DNAJC10: variants seen among roughly 807,000 people sequenced by gnomAD.
DNAJC10 encodes the protein DnaJ heat shock protein family (Hsp40) member C10.
Under a neutral mutation model 115.0 loss-of-function variants are expected in DNAJC10, and 101 were observed. The ratio of observed to expected loss-of-function variants is 0.88; its 90% CI spans 0.75 to 1.04. The LOEUF (loss-of-function observed/expected upper bound fraction) is 1.04. DNAJC10 is among the 50% of genes least tolerant of loss of function. The pLI, the probability that DNAJC10 is intolerant of heterozygous loss-of-function variation, is 0.00. For synonymous variants in DNAJC10, 307 were observed against 301.5 expected (o/e 1.02, Z -0.19); for missense variants, 981 against 928.8 (o/e 1.06, Z -0.73).
intron 11 of DNAJC10, among the ~76,000 whole-genome samples, chr2:182,737,242 T>C (rs1290463169): frequency 1.3e-5 from 2 of 152,158 alleles, no homozygotes; most frequent in East Asian, 3.9e-4. Flanking sequence ...AGATAAATAG[T>C]GGGATATTGG....
Position 182,788,692 on chromosome 2 carries a change from C to A in DNAJC10, c.*11560C>A. 2.5e-6 allele frequency: 1 copy of A among 398,950 alleles called. No individual in the cohort carries two copies. Among genetic ancestry groups the A allele is most frequent in the Admixed American group, 3.3e-5 (1 of 30,396 alleles). The allele number at this position is 398,950 out of a possible 1,614,324, so 24.7% of individuals were successfully genotyped here. A position where few individuals can be genotyped will look rare whatever the true frequency, so the allele number is the denominator to read the frequency against. ...AAAAGGAAGTGAGCTTATCCCACAG[C>A]ACAAGTAACGTCTATTTATCTCAGA... On this transcript the variant is annotated 3_prime_UTR_variant, in exon 24 of 24. Coordinates refer to ENST00000264065, the MANE Select transcript of DNAJC10 (RefSeq NM_018981.4).
chr2:182,765,829 T>C (rs1694397530), intron 22 of DNAJC10, among the ~76,000 whole-genome samples: 1 of 152,248 alleles, frequency 6.6e-6, no homozygotes, highest in South Asian at 2.1e-4. Context: ...AAAGTTGCAA[T>C]GCATATGCAA....
Position 182,788,475 on chromosome 2 carries a change from A to G in DNAJC10, c.*11343A>G, listed in dbSNP as rs1476034248. 4.8e-6 allele frequency: 1 copy of G among 209,664 alleles called. No individual in the cohort carries two copies. The highest frequency in any genetic ancestry group is 1.4e-4 in the East Asian group (1 of 6,992). The allele number at this position is 209,664 out of a possible 1,614,324, so 13.0% of individuals were successfully genotyped here. On this transcript the variant is annotated 3_prime_UTR_variant, in exon 24 of 24. Coordinates refer to ENST00000264065, the MANE Select transcript of DNAJC10 (RefSeq NM_018981.4). ...TGTAAATCATCAAATAAGTTATAAA[A>G]CCACCAAAAAATAGGAGAAAATGGG...
In DNAJC10 at chr2:182,734,901, G is replaced by C. The variant is rs1207468294; in HGVS notation, c.850-1348G>C. 4.7e-5 allele frequency among the ~76,000 whole-genome samples: 7 copies of C among 150,492 alleles called. No homozygotes were observed. The East Asian group carries it at 1.2e-3, about 25-fold the overall frequency. On this transcript the variant is annotated intron_variant, in intron 10 of 23. Transcript: ENST00000264065. ...CACCAGCTTTCTTTTGTTTAATGTT[G>C]GCATTTTTCCATTTTTTACTGTCAC... is the stretch of plus-strand genomic sequence containing the variant.
intron 22 of DNAJC10, among the ~76,000 whole-genome samples, chr2:182,772,370 T>C (rs1361031261): frequency 1.3e-5 from 2 of 152,216 alleles, no homozygotes; most frequent in Admixed American, 1.3e-4. Flanking sequence ...GTCCTGGATA[T>C]CCTTCTTAAC....
intron 5 of DNAJC10, among the ~76,000 whole-genome samples, chr2:182,725,242 G>A (rs1432260532): frequency 1.3e-5 from 2 of 151,902 alleles, no homozygotes; most frequent in South Asian, 2.1e-4. Context: ...CACTTCTTGG[G>A]CCTCCCTACT....
chr2:182,770,164 A>G (rs1694522914), intron 22 of DNAJC10, among the ~76,000 whole-genome samples: 1 of 152,056 alleles, frequency 6.6e-6, no homozygotes, highest in Admixed American at 6.6e-5. Flanking sequence ...GTTCTGTTCC[A>G]TTGGTCTATA....
In DNAJC10 at chr2:182,741,469, C is replaced by G. The variant is rs570942151; in HGVS notation, c.1191+113C>G. ...ACTCTTATTTGAAATTATAAGAAGC[C>G]TATAAGTGCTTTTAGTCTTGGTTTG... On this transcript the variant is annotated intron_variant, in intron 13 of 23. Coordinates refer to ENST00000264065, the MANE Select transcript of DNAJC10 (RefSeq NM_018981.4). 1.7e-3 allele frequency: 863 copies of G among 518,898 alleles called. 3 individuals are homozygous for G. The highest frequency in any genetic ancestry group is 6.6e-3 in the Middle Eastern group (13 of 1,968). 32.1% of individuals were successfully genotyped at this position (518,898 alleles called of 1,614,324 possible).
At chr2:182,767,222 A>G (rs970118540) in intron 22 of DNAJC10, among the ~76,000 whole-genome samples, 4 of 152,146 alleles carry the variant, frequency 2.6e-5, no homozygotes, top group Admixed American at 2.0e-4. Context: ...AGGTGGCCAA[A>G]ATAGTAGCGT....
chr2:182,719,979 T>G, intron 3 of DNAJC10, 28 bp from the exon 4 acceptor site: 1 of 1,284,512 alleles, frequency 7.8e-7, no homozygotes, highest in Non-Finnish European at 1.1e-6. Flanking sequence ...TCTGAAATAA[T>G]TGTATTATAT....
At position 182,788,883 on chromosome 2, in the gene DNAJC10, C is replaced by T. The variant is rs375761289; in HGVS notation, c.*11751C>T. The T allele has an allele frequency of 1.1e-5, 5 of 438,186 alleles. No homozygotes were observed. The highest frequency in any genetic ancestry group is 6.2e-5 in the African/African-American group (3 of 48,580). The allele number at this position is 438,186 out of a possible 1,614,324, so 27.1% of individuals were successfully genotyped here. A position where few individuals can be genotyped will look rare whatever the true frequency, so the allele number is the denominator to read the frequency against. ...AGGTCATTTTGTGTCTTCTTTAAAA[C>T]TCTTGATTCCTTTTAGAGTTTTTTA... On this transcript the variant is annotated 3_prime_UTR_variant, in exon 24 of 24. Coordinates refer to ENST00000264065, the MANE Select transcript of DNAJC10 (RefSeq NM_018981.4).
intron 8 of DNAJC10, 64 bp from the exon 9 acceptor site, chr2:182,730,966 A>G (rs1693428684): frequency 1.8e-6 from 2 of 1,091,966 alleles, no homozygotes; most frequent in East Asian, 2.4e-5. Flanking sequence ...TACTTAGAAG[A>G]CTGTTTCCAT....
In DNAJC10 at chr2:182,788,852, C is replaced by T. The variant is rs1413869318; in HGVS notation, c.*11720C>T. The T allele has an allele frequency of 8.8e-6, 4 of 454,538 alleles. No individual in the cohort carries two copies. The highest frequency in any genetic ancestry group is 1.8e-5 in the Non-Finnish European group (4 of 226,338). 28.2% of individuals were successfully genotyped at this position (454,538 alleles called of 1,614,324 possible). A position where few individuals can be genotyped will look rare whatever the true frequency, so the allele number is the denominator to read the frequency against. ...GATTTTTTGGGGAAGAGAGATTTCACGTTAAAGGTCATTTTGTGTCTTCTT... is the reference window on the plus strand; with the variant it reads ...GATTTTTTGGGGAAGAGAGATTTCATGTTAAAGGTCATTTTGTGTCTTCTT... On this transcript the variant is annotated 3_prime_UTR_variant, in exon 24 of 24. Transcript: ENST00000264065.
intron 22 of DNAJC10, among the ~76,000 whole-genome samples, chr2:182,763,727 A>G (rs1694343683): frequency 6.6e-6 from 1 of 152,134 alleles, no homozygotes; most frequent in African/African-American, 2.4e-5. Context: ...AAGGTTGAAT[A>G]TATTGCCATG....
intron 10 of DNAJC10, 96 bp from the exon 11 acceptor site, chr2:182,736,153 G>T: frequency 1.6e-6 from 2 of 1,218,346 alleles, no homozygotes; most frequent in Admixed American, 3.0e-5. Context: ...TAATTTTTTG[G>T]TAGAAAAATT....
rs1481978737 is a variant in DNAJC10 at position 182,791,034 on chromosome 2, T to C, written c.*13902T>C. On this transcript the variant is annotated 3_prime_UTR_variant, in exon 24 of 24. Coordinates refer to ENST00000264065, the MANE Select transcript of DNAJC10 (RefSeq NM_018981.4). ...GTTATGACTTATTTTCAAGTAAATA[T>C]TTTTTTAATTTCTTCATTTGGGATA... 1.3e-5 allele frequency: 2 copies of C among 151,884 alleles called. No individual in the cohort carries two copies. Among genetic ancestry groups the C allele is most frequent in the East Asian group, 1.9e-4 (1 of 5,198 alleles). The allele number at this position is 151,884 out of a possible 1,614,324, so 9.4% of individuals were successfully genotyped here. A position where few individuals can be genotyped will look rare whatever the true frequency, so the allele number is the denominator to read the frequency against.
chr2:182,741,424 A>T, intron 13 of DNAJC10, 68 bp downstream of exon 13: 1 of 690,178 alleles, frequency 1.4e-6, no homozygotes, highest in East Asian at 3.2e-5. Flanking sequence ...GCATATAATT[A>T]AATTTTAAAT....
At chr2:182,764,703 G>A (rs916998660) in intron 22 of DNAJC10, among the ~76,000 whole-genome samples, 9 of 152,016 alleles carry the variant, frequency 5.9e-5, no homozygotes, top group African/African-American at 1.4e-4. Context: ...AGACTATGTC[G>A]GTAACATTAT....
At chr2:182,739,163 G>GAGAT (rs539929937) in intron 11 of DNAJC10, among the ~76,000 whole-genome samples, 143 of 137,116 alleles carry the variant, frequency 1.0e-3, no homozygotes, top group African/African-American at 4.2e-3. Context: ...GAATGTTTAT[G>GAGAT]ATATATATAT....
Sources: gnomAD v4.1 joint callset for allele counts (sites outside exome capture counted in the v4.1 genomes callset) on GRCh38, gnomAD v4.1.1 for gene constraint, MANE v1.5 for transcripts, NCBI Gene and HGNC (gene_info 2026-07-23, HGNC 2026-07-21) for gene names.